PTCH1: variants seen among roughly 807,000 people sequenced by gnomAD.
PTCH1 encodes protein patched homolog 1.
In PTCH1, 14 loss-of-function variants were observed where a neutral mutation model predicts 144.6. The observed-to-expected ratio is 0.10, with a 90% CI of 0.06 to 0.15. PTCH1 has a LOEUF of 0.15. Among genes scored for constraint, PTCH1 ranks in the 10% least tolerant of loss-of-function variants. The pLI is 1.00. For missense variants in PTCH1, 1,623 were observed against 1,948.3 expected, an observed-to-expected ratio of 0.83 and a Z score of 3.14; for synonymous variants, 833 against 793.6, an observed-to-expected ratio of 1.05 and a Z score of -0.83.
intron 2 of PTCH1, among the ~76,000 whole-genome samples, chr9:95,489,530 G>A (rs949117640): frequency 6.6e-6 from 1 of 151,926 alleles, no homozygotes; most frequent in Admixed American, 6.5e-5. Flanking sequence ...TCATTTTTTT[G>A]GGTAGATACG....
intron 19 of PTCH1, among the ~76,000 whole-genome samples, chr9:95,455,820 A>T (rs758189788): frequency 5.9e-5 from 9 of 152,064 alleles, no homozygotes; most frequent in Non-Finnish European, 1.2e-4. Flanking sequence ...CTGCCAGCTC[A>T]CCTCATCCTC....
rs369865916 is a variant in PTCH1, at chr9:95,516,780, G to A, written c.-309C>T. On this transcript the variant is annotated 5_prime_UTR_variant, in exon 1 of 23. Transcript: ENST00000430669. Reference sequence around the variant, plus strand: ...GGAGGCTTTCGGCGGAGTGCAGCGCGGACTCACAATTACAAGCCTGTTTCT... The same window carrying A: ...GGAGGCTTTCGGCGGAGTGCAGCGCAGACTCACAATTACAAGCCTGTTTCT... 15 of 1,612,522 alleles carry A rather than the reference G, an allele frequency of 9.3e-6. No homozygotes were observed. Among genetic ancestry groups the A allele is most frequent in the Admixed American group, 6.7e-5 (4 of 59,630 alleles).
intron 1 of PTCH1, chr9:95,507,877 A>C (rs1843832900): frequency 8.1e-7 from 1 of 1,239,260 alleles, no homozygotes; most frequent in Non-Finnish European, 1.0e-6. Context: ...AGTGCTCCGG[A>C]AAAGGCACAC....
chr9:95,475,038 T>A (rs115487275), intron 12 of PTCH1, among the ~76,000 whole-genome samples: 5 of 152,140 alleles, frequency 3.3e-5, no homozygotes, highest in African/African-American at 1.2e-4. Flanking sequence ...CCCCACAACA[T>A]CTTGAGATAT....
intron 2 of PTCH1, among the ~76,000 whole-genome samples, chr9:95,493,140 C>G (rs1206225368): frequency 1.3e-5 from 2 of 152,204 alleles, no homozygotes; most frequent in African/African-American, 4.8e-5. Flanking sequence ...CCAGCTGACC[C>G]AGAGGCCCAT....
chr9:95,495,828 T>G (rs934097349), intron 2 of PTCH1, among the ~76,000 whole-genome samples: 1 of 152,062 alleles, frequency 6.6e-6, no homozygotes, highest in African/African-American at 2.4e-5. Flanking sequence ...ATGACTGAAT[T>G]TTTTCCTCCC....
At chr9:95,452,853 G>C (rs1005837498) in intron 20 of PTCH1, 2 of 156,604 alleles carry the variant, frequency 1.3e-5, no homozygotes, top group African/African-American at 4.8e-5. Context: ...GGTCAAATGT[G>C]GCATTTCTTT....
At chr9:95,451,027 G>A (rs1268472962) in intron 20 of PTCH1, 1 of 152,154 alleles carries the variant, frequency 6.6e-6, no homozygotes, top group African/African-American at 2.4e-5. Flanking sequence ...ATATCTATCT[G>A]TTAATGGTCC....
chr9:95,492,124 C>T (rs543025785), intron 2 of PTCH1, among the ~76,000 whole-genome samples: 2 of 152,332 alleles, frequency 1.3e-5, no homozygotes, highest in Non-Finnish European at 2.9e-5. Context: ...CCTTCAACTG[C>T]TTCTGATGTT....
Position 95,448,670 on chromosome 9 carries a change from G to A in PTCH1, c.3804+399C>T, listed in dbSNP as rs138968535. On this transcript the variant is annotated intron_variant, in intron 22 of 23. Coordinates refer to ENST00000331920, the MANE Select transcript of PTCH1 (RefSeq NM_000264.5). The stretch of plus-strand genomic sequence containing the variant: ...GAAGGAAAAAACCTGACCTCTGTTG[G>A]CAATAAAAATACTACTAGTTTTAGA... Among the ~76,000 whole-genome samples, 1,428 of 151,860 alleles carry A rather than the reference G, an allele frequency of 9.4e-3. 19 individuals are homozygous for A. Among genetic ancestry groups the A allele is most frequent in the Non-Finnish European group, 0.012 (832 of 67,976 alleles).
intron 18 of PTCH1, among the ~76,000 whole-genome samples, chr9:95,456,926 G>C (rs1838991236): frequency 6.6e-6 from 1 of 152,168 alleles, no homozygotes; most frequent in Non-Finnish European, 1.5e-5. Flanking sequence ...TTTTGCTTTT[G>C]TGAGTGAACC....
At chr9:95,491,478 G>A (rs748777587) in intron 2 of PTCH1, among the ~76,000 whole-genome samples, 6 of 152,192 alleles carry the variant, frequency 3.9e-5, no homozygotes, top group African/African-American at 7.2e-5. Flanking sequence ...ACCCAAGAGC[G>A]GAGCAAGTGT....
At chr9:95,489,337 TA>T (rs1842211275) in intron 2 of PTCH1, among the ~76,000 whole-genome samples, 1 of 152,040 alleles carries the variant, frequency 6.6e-6, no homozygotes, top group Non-Finnish European at 1.5e-5. Flanking sequence ...CTTGGAGAAA[TA>T]GGTTTCCCCC....
rs1400282737 is a variant in PTCH1, at chr9:95,447,315, G to A, written c.3941C>T (p.Pro1314Leu). Residue 1314 changes from proline (P) to leucine (L), a missense_variant, in exon 23 of 24, where the codon CCC becomes CTC. By Grantham distance (98) the Pro-to-Leu change is moderately conservative. Coordinates refer to ENST00000331920, the MANE Select transcript of PTCH1 (RefSeq NM_000264.5). ...RDPPREGLWPPPYRPRRDAFE... is the reference protein window; with the variant it reads ...RDPPREGLWPLPYRPRRDAFE... Reference sequence around the variant, plus strand: ...AGCGTCTCTGCGCGGTCTGTAGGGGGGTGGCCACAAGCCTTCTCTGGGGGG... The same window carrying A: ...AGCGTCTCTGCGCGGTCTGTAGGGGAGTGGCCACAAGCCTTCTCTGGGGGG... The A allele has an allele frequency of 1.1e-5, 17 of 1,613,142 alleles. No homozygotes were observed. In the East Asian group the frequency reaches 1.6e-4, roughly 15 times the overall value.
intron 19 of PTCH1, among the ~76,000 whole-genome samples, chr9:95,454,717 C>T (rs1416992441): frequency 1.3e-5 from 2 of 152,232 alleles, no homozygotes; most frequent in Admixed American, 6.5e-5. Context: ...CGGGAACCCA[C>T]TGATTTCCTA....
chr9:95,453,359 T>G, intron 20 of PTCH1, 119 bp downstream of exon 20: 1 of 1,477,186 alleles, frequency 6.8e-7, no homozygotes, highest in Non-Finnish European at 9.3e-7. Flanking sequence ...TTGAACTCCT[T>G]GACCTTCTGA....
At chr9:95,503,474 G>C (rs1264728513) in intron 2 of PTCH1, 2 of 152,208 alleles carry the variant, frequency 1.3e-5, no homozygotes, top group Non-Finnish European at 2.9e-5. Flanking sequence ...GGCTACTGTT[G>C]TATAGTCACC....
At chr9:95,480,957 G>A (rs1841491518) in intron 5 of PTCH1, among the ~76,000 whole-genome samples, 1 of 151,800 alleles carries the variant, frequency 6.6e-6, no homozygotes, top group African/African-American at 2.4e-5. Flanking sequence ...TTAGCACTTG[G>A]CAGCCAAATA....
rs1554688549 is a variant in PTCH1, at chr9:95,447,299, G to A, written c.3957C>T (p.Arg1319=). 1.2e-6 allele frequency: 2 copies of A among 1,613,162 alleles called. No individual in the cohort carries two copies. Among genetic ancestry groups the A allele is most frequent in the Non-Finnish European group, 1.7e-6 (2 of 1,179,972 alleles). ...EGLWPPPYRP[R]RDAFEISTEG... ...CAGTAGAAATTTCAAAAGCGTCTCT[G>A]CGCGGTCTGTAGGGGGGTGGCCACA... Residue 1319 remains arginine, a synonymous_variant, in exon 23 of 24, where the codon CGC becomes CGT. Transcript: ENST00000331920.
Sources: allele counts gnomAD v4.1 joint callset (sites outside exome capture counted in the v4.1 genomes callset), GRCh38; gene constraint gnomAD v4.1.1; transcripts MANE v1.5; gene names NCBI Gene and HGNC (gene_info 2026-07-23, HGNC 2026-07-21).